The following FOXO3B variants were observed in gnomAD, a reference collection of about 807,000 sequenced individuals.
The protein encoded by FOXO3B is forkhead box O3B.
Under a neutral mutation model 21.9 loss-of-function variants are expected in FOXO3B, and 15 were observed. The ratio of observed to expected loss-of-function variants is 0.68; its 90% CI spans 0.46 to 1.05. FOXO3B has a LOEUF of 1.05. Ranked by LOEUF, FOXO3B falls within the 50% of genes least tolerant of loss-of-function variation. The pLI is 0.00. For missense variants in FOXO3B, 293 were observed against 435.5 expected (o/e 0.67, Z 2.91); for synonymous variants, 135 against 213.6 (o/e 0.63, Z 3.21).
chr17:18,673,229 T>C (rs2032414827), intron 3 of FOXO3B, among the ~76,000 whole-genome samples, 174 bp from the exon 4 acceptor site: 1 of 151,592 alleles, frequency 6.6e-6, no homozygotes, highest in East Asian at 1.9e-4. Context: ...TAATGTTTTT[T>C]AATAAAAAAA....
At position 18,670,939 on chromosome 17, in the gene FOXO3B, T is replaced by C; in HGVS notation, c.*1370A>G. 3 of 1,467,662 alleles carry C rather than the reference T, an allele frequency of 2.0e-6. No individual in the cohort carries two copies. Among genetic ancestry groups the C allele is most frequent in the Non-Finnish European group, 2.8e-6 (3 of 1,088,028 alleles). 90.9% of individuals were successfully genotyped at this position (1,467,662 alleles called of 1,614,324 possible). On this transcript the variant is annotated 3_prime_UTR_variant, in exon 4 of 4. Coordinates refer to ENST00000395675, the MANE Select transcript of FOXO3B (RefSeq NM_001368135.1). ...ACCCAGCTCTGAGATGAGGCCTGCT[T>C]AGCACCAGTGAAGTTCCCCACGTTC...
At chr17:18,680,030 G>T (rs146711667) in intron 3 of FOXO3B, among the ~76,000 whole-genome samples, 8 of 151,974 alleles carry the variant, frequency 5.3e-5, no homozygotes, top group African/African-American at 1.9e-4. Flanking sequence ...TAGTAGAGAC[G>T]AGGTTTCACC....
At position 18,669,018 on chromosome 17, in the gene FOXO3B, C is replaced by T. The variant is rs1234522116; in HGVS notation, c.*3291G>A. On this transcript the variant is annotated 3_prime_UTR_variant, in exon 4 of 4. Coordinates refer to ENST00000395675, the MANE Select transcript of FOXO3B (RefSeq NM_001368135.1). The stretch of plus-strand genomic sequence containing the variant: ...GGCAATGTGCTACAGTCTACTATAA[C>T]CACAATTGCACAACAATTTACAGAT... 1 of 151,030 alleles carries T rather than the reference C, an allele frequency of 6.6e-6. No individual in the cohort carries two copies. Among genetic ancestry groups the T allele is most frequent in the Admixed American group, 6.6e-5 (1 of 15,126 alleles). The allele number at this position is 151,030 out of a possible 1,614,324, so 9.4% of individuals were successfully genotyped here.
At chr17:18,680,951 C>T in intron 2 of FOXO3B, 122 bp from the exon 3 acceptor site, 1 of 801,580 alleles carries the variant, frequency 1.2e-6, no homozygotes, top group South Asian at 1.9e-5. Context: ...GAAGGTACCC[C>T]CAAAACAACC....
intron 3 of FOXO3B, among the ~76,000 whole-genome samples, chr17:18,674,380 C>T (rs572000921): frequency 1.4e-3 from 204 of 150,878 alleles, no homozygotes; most frequent in Admixed American, 4.3e-3. Context: ...AATCCCAGCA[C>T]TTTGGGAGGC....
intron 2 of FOXO3B, 116 bp from the exon 3 acceptor site, chr17:18,680,945 G>A (rs2032574299): frequency 3.1e-6 from 3 of 958,976 alleles, no homozygotes; most frequent in Non-Finnish European, 4.5e-6. Flanking sequence ...GAGACTGAAG[G>A]TACCCCCAAA....
intron 3 of FOXO3B, among the ~76,000 whole-genome samples, chr17:18,673,310 C>A (rs2032415805): frequency 6.6e-6 from 1 of 152,158 alleles, no homozygotes; most frequent in Non-Finnish European, 1.5e-5. Flanking sequence ...TGGGGTCTCA[C>A]TTTATTGCTC....
intron 3 of FOXO3B, among the ~76,000 whole-genome samples, chr17:18,675,875 A>C (rs1420316159): frequency 2.0e-5 from 3 of 152,160 alleles, no homozygotes; most frequent in Admixed American, 2.0e-4. Flanking sequence ...CACTGGGATA[A>C]AGTAGATAGA....
At position 18,670,672 on chromosome 17, in the gene FOXO3B, A is replaced by C. The variant is rs946737447; in HGVS notation, c.*1637T>G. ...CGGCTCACCACCCTGTACAAAGAAG[A>C]TTTTGCATACTTTTTAGAGTTCTAT... On this transcript the variant is annotated 3_prime_UTR_variant, in exon 4 of 4. Coordinates refer to ENST00000395675, the MANE Select transcript of FOXO3B (RefSeq NM_001368135.1). 1.6e-4 allele frequency among the ~76,000 whole-genome samples: 25 copies of C among 152,138 alleles called. No individual in the cohort carries two copies. Among genetic ancestry groups the C allele is most frequent in the Non-Finnish European group, 3.4e-4 (23 of 68,022 alleles).
At chr17:18,677,676 GC>G (rs1597497037) in intron 3 of FOXO3B, 2 of 1,606,154 alleles carry the variant, frequency 1.2e-6, no homozygotes, top group East Asian at 4.5e-5. Flanking sequence ...GGGTCCCATG[GC>G]CAAGAAGCAT....
chr17:18,674,674 G>C (rs2032451497), intron 3 of FOXO3B, among the ~76,000 whole-genome samples: 1 of 150,314 alleles, frequency 6.7e-6, no homozygotes, highest in South Asian at 2.1e-4. Context: ...TGCAAATTTA[G>C]GGTTTCTCTC....
At position 18,673,014 on chromosome 17, in the gene FOXO3B, G is replaced by T. The variant is rs746279536; in HGVS notation, c.168C>A (p.Arg56=). The change falls in exon 4 of 4, where the codon CGC becomes CGA. Residue 56 remains arginine (R), a synonymous_variant. Coordinates refer to ENST00000395675, the MANE Select transcript of FOXO3B (RefSeq NM_001368135.1). ...GCAGCGGGGGAGGGACGTGGACGCC[G>T]CGAAGGCTCCGGCTCCCGGGCGCCG... The part of the protein sequence containing the change: ...AAAAPGSRSL[R]GVHVPPPLHP... 2.0e-6 allele frequency: 3 copies of T among 1,464,556 alleles called. No individual in the cohort carries two copies. Among genetic ancestry groups the T allele is most frequent in the Non-Finnish European group, 2.7e-6 (3 of 1,115,106 alleles). 90.7% of individuals were successfully genotyped at this position (1,464,556 alleles called of 1,614,324 possible).
At chr17:18,675,345 C>T (rs1414141354) in intron 3 of FOXO3B, among the ~76,000 whole-genome samples, 1 of 151,910 alleles carries the variant, frequency 6.6e-6, no homozygotes, top group East Asian at 1.9e-4. Flanking sequence ...CAAAAAATAT[C>T]TGTAACATAA....
In FOXO3B at chr17:18,670,683, T is replaced by G. The variant is rs1252315878; in HGVS notation, c.*1626A>C. 6.6e-6 allele frequency among the ~76,000 whole-genome samples: 1 copy of G among 152,188 alleles called. No individual in the cohort carries two copies. The highest frequency in any genetic ancestry group is 1.5e-5 in the Non-Finnish European group (1 of 68,026). ...CCTGTACAAAGAAGATTTTGCATAC[T>G]TTTTAGAGTTCTATTCCAAGGGTAA... On this transcript the variant is annotated 3_prime_UTR_variant, in exon 4 of 4. Transcript: ENST00000395675.
chr17:18,682,011 A>C (rs2032595287), intron 1 of FOXO3B, 165 bp from the exon 2 acceptor site: 2 of 605,508 alleles, frequency 3.3e-6, no homozygotes, highest in African/African-American at 3.7e-5. Flanking sequence ...GGACCCCGCG[A>C]CCACCCCGCC....
intron 3 of FOXO3B, chr17:18,677,209 CAGTG>C (rs961558090): frequency 7.0e-7 from 1 of 1,430,638 alleles, no homozygotes; most frequent in African/African-American, 1.5e-5. Context: ...TATCTACCAA[CAGTG>C]AGTATGTATC....
At chr17:18,680,969 T>A in intron 2 of FOXO3B, 140 bp from the exon 3 acceptor site, 1 of 640,222 alleles carries the variant, frequency 1.6e-6, no homozygotes. Context: ...ACCGACCTCC[T>A]CCCAGGACCC....
chr17:18,678,853 A>ATG (rs1401533618), intron 3 of FOXO3B, among the ~76,000 whole-genome samples: 3 of 152,126 alleles, frequency 2.0e-5, no homozygotes, highest in South Asian at 2.1e-4. Flanking sequence ...GTGCACGTGA[A>ATG]TGTGTGTGTG....
chr17:18,674,073 A>C (rs949202873), intron 3 of FOXO3B, among the ~76,000 whole-genome samples: 3 of 152,024 alleles, frequency 2.0e-5, no homozygotes, highest in African/African-American at 4.8e-5. Context: ...GTTGTATTGA[A>C]GTATCGTTGA....
Sources: gnomAD v4.1 joint callset for allele counts (sites outside exome capture counted in the v4.1 genomes callset) on GRCh38, gnomAD v4.1.1 for gene constraint, MANE v1.5 for transcripts, NCBI Gene and HGNC (gene_info 2026-07-23, HGNC 2026-07-21) for gene names.